Variants in HIPK2 observed in about 807,000 individuals in gnomAD.
HIPK2 encodes homeodomain interacting protein kinase 2.
In HIPK2, 27 loss-of-function variants were observed where a neutral mutation model predicts 113.7. The observed-to-expected ratio is 0.24, with a 90% CI of 0.17 to 0.33. The LOEUF (loss-of-function observed/expected upper bound fraction) is 0.33. Among genes scored for constraint, HIPK2 ranks in the 10% least tolerant of loss-of-function variants. The pLI, the probability that HIPK2 is intolerant of heterozygous loss-of-function variation, is 1.00. For missense variants in HIPK2, 1,257 were observed against 1,588.0 expected (o/e 0.79, Z 3.54); for synonymous variants, 631 against 642.2 (o/e 0.98, Z 0.26).
At chr7:139,648,890 G>A (rs1455638285) in intron 2 of HIPK2, among the ~76,000 whole-genome samples, 6 of 151,968 alleles carry the variant, frequency 3.9e-5, no homozygotes, top group African/African-American at 1.2e-4. Flanking sequence ...TTAGTGATTC[G>A]ATTTTTCTAT....
chr7:139,677,251 A>G lies in HIPK2; in HGVS notation c.1103+38681T>C, dbSNP rs575896811. Among the ~76,000 whole-genome samples the G allele has an allele frequency of 6.6e-3, 506 of 76,876 alleles. 2 individuals are homozygous for G. Among genetic ancestry groups the G allele is most frequent in the Admixed American group, 0.016 (96 of 5,844 alleles). The allele number at this position is 76,876 out of a possible 152,430, so 50.4% of individuals were successfully genotyped here. On this transcript the variant is annotated intron_variant, in intron 2 of 14. Transcript: ENST00000406875. ...GGCTGATATTATATATATTATATAT[A>G]TATATGGAGACACACACACACACAC...
intron 1 of HIPK2, among the ~76,000 whole-genome samples, chr7:139,719,464 A>G (rs1459730526): frequency 6.6e-6 from 1 of 152,066 alleles, no homozygotes; most frequent in Non-Finnish European, 1.5e-5. Flanking sequence ...TCTGGCAGCT[A>G]TCATCCATTC....
intron 4 of HIPK2, 142 bp from the exon 5 acceptor site, chr7:139,629,181 C>T: frequency 1.5e-6 from 1 of 653,620 alleles, no homozygotes; most frequent in Non-Finnish European, 2.7e-6. Flanking sequence ...ACCTGCACAC[C>T]TGCAATTCCC....
At chr7:139,590,141 G>A (rs186128996) in intron 12 of HIPK2, among the ~76,000 whole-genome samples, 59 of 152,224 alleles carry the variant, frequency 3.9e-4, no homozygotes, top group East Asian at 5.8e-4. Flanking sequence ...CCATGATTGC[G>A]TCTAGTTATT....
At chr7:139,663,285 T>C (rs933297272) in intron 2 of HIPK2, among the ~76,000 whole-genome samples, 2 of 152,206 alleles carry the variant, frequency 1.3e-5, no homozygotes, top group Non-Finnish European at 2.9e-5. Context: ...ACAGAAGCCT[T>C]ACTTGGAAGG....
At position 139,570,425 on chromosome 7, in the gene HIPK2, G is replaced by A. The variant is rs1034965697; in HGVS notation, c.*2502C>T. 2.0e-5 allele frequency: 3 copies of A among 152,222 alleles called. No individual in the cohort carries two copies. The highest frequency in any genetic ancestry group is 4.4e-5 in the Non-Finnish European group (3 of 68,076). 9.4% of individuals were successfully genotyped at this position (152,222 alleles called of 1,614,324 possible). On this transcript the variant is annotated 3_prime_UTR_variant, in exon 15 of 15. Transcript: ENST00000406875. ...AGTATTGATAATGGCCCGAGGGAAG[G>A]GAATCTCCTTGCTGCAGGCCTCTTG...
intron 1 of HIPK2, among the ~76,000 whole-genome samples, chr7:139,764,219 C>T (rs577545123): frequency 4.6e-5 from 7 of 152,306 alleles, no homozygotes; most frequent in African/African-American, 1.7e-4. Flanking sequence ...TACCAACATA[C>T]AACATTATTA....
At chr7:139,693,353 T>G (rs1794466972) in intron 2 of HIPK2, among the ~76,000 whole-genome samples, 2 of 152,212 alleles carry the variant, frequency 1.3e-5, no homozygotes, top group African/African-American at 4.8e-5. Flanking sequence ...AAACTCTAAG[T>G]AGAGCACCTA....
At chr7:139,710,448 C>T (rs534085510) in intron 2 of HIPK2, among the ~76,000 whole-genome samples, 3 of 152,274 alleles carry the variant, frequency 2.0e-5, no homozygotes, top group African/African-American at 7.2e-5. Context: ...CATTGTTTCC[C>T]TAGAGTCTGG....
At chr7:139,678,718 G>A (rs1338996627) in intron 2 of HIPK2, among the ~76,000 whole-genome samples, 1 of 152,188 alleles carries the variant, frequency 6.6e-6, no homozygotes, top group African/African-American at 2.4e-5. Context: ...GTAGCTTGAT[G>A]GGGATAGCAC....
In HIPK2 at chr7:139,631,353, T is replaced by C; in HGVS notation, c.1228-69A>G. On this transcript the variant is annotated intron_variant, in intron 3 of 14. Transcript: ENST00000406875. The surrounding 1 kb of genome is among the most constrained non-coding windows in gnomAD (Gnocchi z 4.9). ...TATACATATGGTATACTAATGGCTC[T>C]GCTGGCTTTGAGAAAAATGAAAATG... 6.6e-7 allele frequency: 1 copy of C among 1,511,802 alleles called. No homozygotes were observed. The highest frequency in any genetic ancestry group is 8.9e-7 in the Non-Finnish European group (1 of 1,128,930). 93.6% of individuals were successfully genotyped at this position (1,511,802 alleles called of 1,614,324 possible). A position where few individuals can be genotyped will look rare whatever the true frequency, so the allele number is the denominator to read the frequency against.
intron 2 of HIPK2, among the ~76,000 whole-genome samples, chr7:139,673,420 A>C (rs927496959): frequency 2.0e-5 from 3 of 152,128 alleles, no homozygotes; most frequent in Non-Finnish European, 4.4e-5. Flanking sequence ...CTTAGCTACC[A>C]ATGCCTCTGA....
At chr7:139,684,273 T>C (rs1425413503) in intron 2 of HIPK2, among the ~76,000 whole-genome samples, 1 of 152,200 alleles carries the variant, frequency 6.6e-6, no homozygotes, top group Non-Finnish European at 1.5e-5. Flanking sequence ...CTCGGGCCTC[T>C]CTCTTCTCTG....
intron 7 of HIPK2, among the ~76,000 whole-genome samples, chr7:139,618,776 G>A (rs6969346): frequency 0.18 from 26,662 of 152,122 alleles, 3,295 homozygotes; most frequent in African/African-American, 0.36. Context: ...TTGGAGGGGT[G>A]CTCCTTCCTC....
chr7:139,632,558 G>A (rs913448911), intron 2 of HIPK2, among the ~76,000 whole-genome samples: 2 of 152,120 alleles, frequency 1.3e-5, no homozygotes, highest in African/African-American at 2.4e-5. Flanking sequence ...GGATTCCAGC[G>A]TAAACTCCAT....
chr7:139,659,762 TG>T (rs1183053199), intron 2 of HIPK2, among the ~76,000 whole-genome samples: 258 of 17,374 alleles, frequency 0.015, 1 homozygote, highest in African/African-American at 0.048. Context: ...CTCTCTTTTC[TG>T]CTCTTTTCTT....
rs752560918 is a variant in HIPK2 at position 139,583,994 on chromosome 7, A to C, written c.2788T>G (p.Ser930Ala). 6.2e-7 allele frequency: 1 copy of C among 1,613,768 alleles called. No homozygotes were observed. Among genetic ancestry groups the C allele is most frequent in the Admixed American group, 1.7e-5 (1 of 60,008 alleles). Residue 930 changes from serine to alanine, a missense_variant, in exon 13 of 15, where the codon TCC becomes GCC. Physicochemically the swap from Ser to Ala is moderately conservative, Grantham distance 99. This residue lies in a region of HIPK2 where 862 missense variants were observed against 1,004.3 expected (regional missense o/e 0.86). Coordinates refer to ENST00000406875, the MANE Select transcript of HIPK2 (RefSeq NM_022740.5). ...TVHDSPYSDS[S>A]SNTSPYSVQQ... ...ACGGAGTAGGGGCTGGTGTTGCTGG[A>C]GGAGTCGGAGTAGGGGGAGTCGTGG...
At chr7:139,741,116 C>T (rs1796087875) in intron 1 of HIPK2, among the ~76,000 whole-genome samples, 1 of 152,198 alleles carries the variant, frequency 6.6e-6, no homozygotes, top group African/African-American at 2.4e-5. Flanking sequence ...CACTGCACTC[C>T]AGCCTGGGTG....
intron 2 of HIPK2, among the ~76,000 whole-genome samples, chr7:139,681,082 C>T (rs746305450): frequency 7.2e-5 from 11 of 152,182 alleles, no homozygotes; most frequent in African/African-American, 2.7e-4. Flanking sequence ...CTGAGGGAGC[C>T]GGTAACACAT....
Sources: gnomAD v4.1 joint callset for allele counts (sites outside exome capture counted in the v4.1 genomes callset) on GRCh38, gnomAD v4.1.1 for gene constraint, gnomAD v4.1.1 regional missense constraint, Gnocchi (gnomAD v3.1) non-coding constraint, MANE v1.5 for transcripts, NCBI Gene and HGNC (gene_info 2026-07-23, HGNC 2026-07-21) for gene names.